The following FLNB variants were observed in gnomAD, a reference collection of about 807,000 sequenced individuals.
The protein encoded by FLNB is filamin B.
A neutral mutation model predicts 250.6 loss-of-function variants in FLNB; 111 were observed. The observed-to-expected ratio is 0.44, with a 90% CI of 0.38 to 0.52. The LOEUF is 0.52. FLNB is among the 20% of genes least tolerant of loss of function. The probability of loss-of-function intolerance (pLI) is 0.00; values close to 1 mark genes in which losing one functional copy is unlikely to be tolerated. For missense variants in FLNB, 2,869 were observed against 3,447.8 expected (o/e 0.83, Z 4.20); for synonymous variants, 1,302 against 1,372.1 (o/e 0.95, Z 1.13).
intron 1 of FLNB, among the ~76,000 whole-genome samples, chr3:58,040,999 G>T (rs1287578609): frequency 6.6e-6 from 1 of 152,146 alleles, no homozygotes; most frequent in Non-Finnish European, 1.5e-5. Context: ...GTGAGTGAGT[G>T]CTTACTGTGT....
chr3:58,158,284 T>C (rs956968332), intron 41 of FLNB, among the ~76,000 whole-genome samples: 4 of 152,248 alleles, frequency 2.6e-5, no homozygotes, highest in Non-Finnish European at 4.4e-5. Context: ...TATGTGACTA[T>C]TGAACATCTG....
At chr3:58,165,846 A>G (rs1487954436) in intron 43 of FLNB, 1 of 152,150 alleles carries the variant, frequency 6.6e-6, no homozygotes, top group Non-Finnish European at 1.5e-5. Flanking sequence ...TTTAACATGC[A>G]TTAAACTCAC....
chr3:58,080,531 G>T (rs1190572260), intron 3 of FLNB, among the ~76,000 whole-genome samples: 2 of 138,566 alleles, frequency 1.4e-5, no homozygotes, highest in Non-Finnish European at 3.0e-5. Flanking sequence ...GTCTTGCTCT[G>T]TCACATAGGC....
chr3:58,103,293 TGCACGCGC>T (rs2097254143), intron 9 of FLNB, among the ~76,000 whole-genome samples: 3 of 138,464 alleles, frequency 2.2e-5, no homozygotes, highest in African/African-American at 5.5e-5. Flanking sequence ...TGTGTGTGTG[TGCACGCGC>T]GTGCATGCCT....
chr3:58,013,049 G>C (rs932583248), intron 1 of FLNB, among the ~76,000 whole-genome samples: 25 of 152,340 alleles, frequency 1.6e-4, no homozygotes, highest in African/African-American at 4.3e-4. Flanking sequence ...TATGTGATGG[G>C]CAGTTCATAG....
At chr3:58,119,664 GA>G (rs2097285079) in intron 19 of FLNB, among the ~76,000 whole-genome samples, 1 of 152,126 alleles carries the variant, frequency 6.6e-6, no homozygotes, top group South Asian at 2.1e-4. Flanking sequence ...CTCATAAAAT[GA>G]TTTTTTTATA....
chr3:58,040,450 G>A (rs1329133650), intron 1 of FLNB, among the ~76,000 whole-genome samples: 1 of 152,148 alleles, frequency 6.6e-6, no homozygotes, highest in Admixed American at 6.6e-5. Context: ...TCATGGGAGT[G>A]GGTACCTGAC....
Position 58,155,982 on chromosome 3 carries a change from G to A in FLNB, c.6795G>A (p.Lys2265=). Residue 2265 remains lysine (K), a synonymous_variant, in exon 41 of 46, where the codon AAG becomes AAA. Transcript: ENST00000295956. ...TAGGTAACTACGAGGTGTCCATCAA[G>A]TTCAATGATGAGCACATCCCGGAAA... ...QEPGNYEVSI[K]FNDEHIPESP... 6.2e-7 allele frequency: 1 copy of A among 1,613,562 alleles called. No individual in the cohort carries two copies.
At chr3:58,066,566 G>C (rs193092412) in intron 1 of FLNB, among the ~76,000 whole-genome samples, 2 of 152,098 alleles carry the variant, frequency 1.3e-5, no homozygotes, top group Non-Finnish European at 1.5e-5. Context: ...TGGAATCCTC[G>C]TTTTGACTTT....
In FLNB at chr3:58,170,496, C is replaced by T. The variant is rs970626557; in HGVS notation, c.7622-79C>T. The T allele has an allele frequency of 2.7e-5, 39 of 1,430,302 alleles. 1 individual carries two copies. The African/African-American group carries it at 5.2e-4, about 19-fold the overall frequency. 88.6% of individuals were successfully genotyped at this position (1,430,302 alleles called of 1,614,324 possible). On this transcript the variant is annotated intron_variant, in intron 45 of 45. Transcript: ENST00000295956. ...CCAGCATTATCGTGGAAGCACCTTA[C>T]CTTTGGCTCTCATATTTCCTCTTCT... is the stretch of plus-strand genomic sequence containing the variant.
intron 24 of FLNB, among the ~76,000 whole-genome samples, chr3:58,127,057 T>C (rs2107189553): frequency 6.6e-6 from 1 of 152,314 alleles, no homozygotes; most frequent in East Asian, 1.9e-4. Flanking sequence ...TCACAGTGGC[T>C]CACACCTGTA....
chr3:58,098,578 C>G, intron 7 of FLNB, 133 bp from the exon 8 acceptor site: 1 of 760,978 alleles, frequency 1.3e-6, no homozygotes, highest in South Asian at 1.6e-5. Context: ...AGTGATCTAC[C>G]CACCTCGGCC....
At chr3:58,108,628 G>A (rs1275542784) in intron 13 of FLNB, 57 bp downstream of exon 13, 9 of 1,053,014 alleles carry the variant, frequency 8.5e-6, no homozygotes, top group Non-Finnish European at 1.2e-5. Context: ...ATCTGACCAC[G>A]TAATGGCAAG....
In FLNB at chr3:58,142,477, G is replaced by A. The variant is rs549728971; in HGVS notation, c.5182-173G>A. ...CAGCATGACCTCTCCAGTCCCTCAG[G>A]TTCTACCCTGGGTCTGGAGCCACTT... On this transcript the variant is annotated intron_variant, in intron 30 of 45. Coordinates refer to ENST00000295956, the MANE Select transcript of FLNB (RefSeq NM_001457.4). This position sits in a 1 kb window ranked among gnomAD's most constrained non-coding sequence, Gnocchi z 4.3. 2.0e-5 allele frequency among the ~76,000 whole-genome samples: 3 copies of A among 152,136 alleles called. No individual in the cohort carries two copies. The highest frequency in any genetic ancestry group is 6.6e-5 in the Admixed American group (1 of 15,264).
chr3:58,050,281 G>A (rs932460691), intron 1 of FLNB, among the ~76,000 whole-genome samples: 18 of 152,070 alleles, frequency 1.2e-4, no homozygotes. Flanking sequence ...ACCCGCCTCG[G>A]CCTCCCAAAG....
intron 1 of FLNB, among the ~76,000 whole-genome samples, chr3:58,018,671 C>T (rs556005580): frequency 7.4e-4 from 112 of 152,110 alleles, no homozygotes; most frequent in African/African-American, 2.5e-3. Flanking sequence ...GCCTTGGCAC[C>T]ACAGCCAGTT....
chr3:58,150,296 G>C (rs2097342764), intron 38 of FLNB, 69 bp downstream of exon 38: 1 of 1,596,816 alleles, frequency 6.3e-7, no homozygotes, highest in African/African-American at 1.3e-5. Flanking sequence ...GTGCCTTTGG[G>C]AACCAAGTTT....
chr3:58,170,765 C>T lies in FLNB; in HGVS notation c.*3C>T. On this transcript the variant is annotated 3_prime_UTR_variant, in exon 46 of 46. Transcript: ENST00000295956. ...CTTTTCATGTCACAGTGCCTTAAAA[C>T]AGTTTTCTCAAATCCTGGAGAGAGT... The T allele has an allele frequency of 6.2e-7, 1 of 1,613,528 alleles. No homozygotes were observed. Among genetic ancestry groups the T allele is most frequent in the Non-Finnish European group, 8.5e-7 (1 of 1,179,556 alleles).
intron 1 of FLNB, among the ~76,000 whole-genome samples, chr3:58,067,812 T>C (rs181582192): frequency 1.4e-3 from 217 of 152,284 alleles, no homozygotes; most frequent in South Asian, 2.5e-3. Context: ...TCTGACCTCG[T>C]GATCCGCCCA....
Sources: allele counts gnomAD v4.1 joint callset (sites outside exome capture counted in the v4.1 genomes callset), GRCh38; gene constraint gnomAD v4.1.1; non-coding constraint Gnocchi (gnomAD v3.1); transcripts MANE v1.5; gene names NCBI Gene and HGNC (gene_info 2026-07-23, HGNC 2026-07-21).